Variants in RUBCNL observed in about 807,000 individuals in gnomAD.
RUBCNL encodes protein associated with UVRAG as autophagy enhancer.
Under a neutral mutation model 69.5 loss-of-function variants are expected in RUBCNL, and 62 were observed. That is an observed-to-expected ratio of 0.89 (90% CI 0.73 to 1.10). The LOEUF (loss-of-function observed/expected upper bound fraction) is 1.10, where lower values mean the gene tolerates loss of function less well. RUBCNL is among the 50% of genes least tolerant of loss of function. The pLI is 0.00. For missense variants in RUBCNL, 768 were observed against 798.1 expected (o/e 0.96, Z 0.45); for synonymous variants, 291 against 303.6 (o/e 0.96, Z 0.43).
Position 46,338,000 on chromosome 13 carries a change from G to T in RUBCNL, c.*5385C>A, listed in dbSNP as rs1308302208. Among the ~76,000 whole-genome samples, 1 of 152,130 alleles carries T rather than the reference G, an allele frequency of 6.6e-6. No homozygotes were observed. The highest frequency in any genetic ancestry group is 2.4e-5 in the African/African-American group (1 of 41,424). On this transcript the variant is annotated 3_prime_UTR_variant, in exon 15 of 15. Coordinates refer to ENST00000429979, the MANE Select transcript of RUBCNL (RefSeq NM_025113.5). ...GATCAAAGGCTGCCAAAAGTTCAGAGAGCTGTCCCCAGTAGAATAATGAGG... is the reference window on the plus strand; with the variant it reads ...GATCAAAGGCTGCCAAAAGTTCAGATAGCTGTCCCCAGTAGAATAATGAGG...
intron 7 of RUBCNL, 31 bp from the exon 8 acceptor site, chr13:46,361,604 A>T (rs1009599614): frequency 6.4e-7 from 1 of 1,562,536 alleles, no homozygotes; most frequent in Non-Finnish European, 8.7e-7. Flanking sequence ...ATACTGGAAA[A>T]CTATATTCAT....
intron 3 of RUBCNL, among the ~76,000 whole-genome samples, chr13:46,369,117 A>G (rs772004285): frequency 1.8e-4 from 28 of 152,314 alleles, no homozygotes; most frequent in Non-Finnish European, 3.1e-4. Flanking sequence ...GGAAATCCCA[A>G]CAGGGGCTGG....
Position 46,339,750 on chromosome 13 carries a change from T to A in RUBCNL, c.*3635A>T, listed in dbSNP as rs1256648801. Among the ~76,000 whole-genome samples the A allele has an allele frequency of 6.6e-6, 1 of 151,952 alleles. No homozygotes were observed. The highest frequency in any genetic ancestry group is 2.4e-5 in the African/African-American group (1 of 41,346). ...GGCGTGCGCCTGCAATCCCAGCTAC[T>A]CGGGAGGGTGAGACAGGAAAATCAC... is the stretch of plus-strand genomic sequence containing the variant. On this transcript the variant is annotated 3_prime_UTR_variant, in exon 15 of 15. Transcript: ENST00000429979.
At chr13:46,367,170 G>A (rs774260169) in intron 5 of RUBCNL, among the ~76,000 whole-genome samples, 13 of 152,152 alleles carry the variant, frequency 8.5e-5, no homozygotes, top group Admixed American at 5.2e-4. Context: ...AGAGTGAGCC[G>A]AGGCACTCCT....
intron 1 of RUBCNL, among the ~76,000 whole-genome samples, chr13:46,385,074 C>T (rs1324388514): frequency 6.6e-6 from 1 of 152,166 alleles, no homozygotes; most frequent in Non-Finnish European, 1.5e-5. Flanking sequence ...GACTTATTAG[C>T]TGTGTGATTT....
At chr13:46,386,210 T>G (rs928667159) in intron 1 of RUBCNL, among the ~76,000 whole-genome samples, 3 of 152,090 alleles carry the variant, frequency 2.0e-5, no homozygotes, top group Non-Finnish European at 4.4e-5. Context: ...GGCTGGAGTA[T>G]TCTCCCCCTG....
chr13:46,389,102 T>G (rs562513074), upstream of RUBCNL, among the ~76,000 whole-genome samples: 1 of 152,232 alleles, frequency 6.6e-6, no homozygotes, highest in Non-Finnish European at 1.5e-5. This position sits in a 1 kb window ranked among gnomAD's most constrained non-coding sequence, Gnocchi z 4.2. Flanking sequence ...GTGCTAACAT[T>G]TTTTGAGTAT....
chr13:46,380,447 AAAAC>A (rs1300068017), intron 1 of RUBCNL, among the ~76,000 whole-genome samples: 5 of 152,262 alleles, frequency 3.3e-5, no homozygotes, highest in Non-Finnish European at 5.9e-5. Context: ...AAGTAGGACA[AAAAC>A]AAAAGTCTGA....
intron 1 of RUBCNL, among the ~76,000 whole-genome samples, chr13:46,382,678 C>T (rs940179598): frequency 3.9e-5 from 6 of 152,258 alleles, no homozygotes; most frequent in South Asian, 2.1e-4. Context: ...GGATTACAGG[C>T]GCCCACCACC....
At position 46,335,278 on chromosome 13, in the gene RUBCNL, T is replaced by G. The variant is rs1346585611; in HGVS notation, c.*8107A>C. On this transcript the variant is annotated 3_prime_UTR_variant, in exon 15 of 15. Coordinates refer to ENST00000429979, the MANE Select transcript of RUBCNL (RefSeq NM_025113.5). ...TGTTGTTGTTTTTTTTTTTTTTTTT[T>G]TTTTTTTAAGAGACAGGGTCTCGCT... is the stretch of plus-strand genomic sequence containing the variant. Among the ~76,000 whole-genome samples the G allele has an allele frequency of 2.7e-5, 4 of 146,966 alleles. No individual in the cohort carries two copies. Among genetic ancestry groups the G allele is most frequent in the African/African-American group, 7.6e-5 (3 of 39,596 alleles).
At position 46,340,649 on chromosome 13, in the gene RUBCNL, ACCAAT is replaced by A. The variant is rs2048135216; in HGVS notation, c.*2731_*2735del. Among the ~76,000 whole-genome samples, 3 of 152,322 alleles carry A rather than the reference ACCAAT, an allele frequency of 2.0e-5. No homozygotes were observed. Among genetic ancestry groups the A allele is most frequent in the Admixed American group, 6.5e-5 (1 of 15,300 alleles). On this transcript the variant is annotated 3_prime_UTR_variant, in exon 15 of 15. Transcript: ENST00000429979. ...GTTCTGCGGGCTGTACAAGCATCGC[ACCAAT>A]ATCTGCTTCTGGTTAGGACTTGTGG...
upstream of RUBCNL, chr13:46,387,745 T>C (rs2049282737): frequency 9.1e-6 from 9 of 985,610 alleles, no homozygotes; most frequent in Non-Finnish European, 1.1e-5. Context: ...CCGACTCATG[T>C]AGCACTTCAC....
Position 46,372,333 on chromosome 13 carries a change from C to T in RUBCNL, c.143G>A (p.Arg48Lys). ...PPCQLDIRLM[R>K]HKAVWINPQD... ...GGGGTTAATCCAGACAGCTTTGTGC[C>T]TCATGAGCCTGATGTCTAATTGGCA... Residue 48 changes from arginine (R) to lysine (K), a missense_variant, in exon 3 of 15, where the codon AGG becomes AAG. Physicochemically the swap from Arg to Lys is conservative, Grantham distance 26. Coordinates refer to ENST00000429979, the MANE Select transcript of RUBCNL (RefSeq NM_025113.5). The T allele has an allele frequency of 1.9e-6, 3 of 1,613,982 alleles. No homozygotes were observed. Among genetic ancestry groups the T allele is most frequent in the Non-Finnish European group, 2.5e-6 (3 of 1,179,900 alleles).
chr13:46,348,497 C>T (rs562738509), intron 12 of RUBCNL, among the ~76,000 whole-genome samples: 109 of 152,204 alleles, frequency 7.2e-4, no homozygotes, highest in African/African-American at 2.5e-3. Flanking sequence ...AACTGTAGCT[C>T]CCATAATTCC....
In RUBCNL at chr13:46,364,898, C is replaced by T. The variant is rs377727435; in HGVS notation, c.827-1685G>A. Among the ~76,000 whole-genome samples, 341 of 152,158 alleles carry T rather than the reference C, an allele frequency of 2.2e-3. 4 individuals are homozygous for T. Among genetic ancestry groups the T allele is most frequent in the South Asian group, 0.012 (56 of 4,810 alleles). On this transcript the variant is annotated intron_variant, in intron 5 of 14. Coordinates refer to ENST00000429979, the MANE Select transcript of RUBCNL (RefSeq NM_025113.5). ...TATTCATGTTTTCTTAAAGTTTCAG[C>T]TACCATCAATTTACACCCAACCACT...
chr13:46,349,488 A>G (rs2048322893), intron 11 of RUBCNL, 141 bp from the exon 12 acceptor site: 2 of 758,208 alleles, frequency 2.6e-6, no homozygotes, highest in Non-Finnish European at 4.5e-6. Flanking sequence ...CCGCCTATAC[A>G]GCAAGCCTTC....
At chr13:46,387,098 C>A in intron 1 of RUBCNL, 36 bp downstream of exon 1, 1 of 985,838 alleles carries the variant, frequency 1.0e-6, no homozygotes, top group South Asian at 4.7e-5. Context: ...CCACCCCGCG[C>A]CGCTCCCATC....
At chr13:46,365,720 A>C (rs1035423340) in intron 5 of RUBCNL, among the ~76,000 whole-genome samples, 1 of 152,176 alleles carries the variant, frequency 6.6e-6, no homozygotes, top group African/African-American at 2.4e-5. Context: ...CATCCAGCCA[A>C]GGGGAATGGC....
Position 46,337,637 on chromosome 13 carries a change from A to T in RUBCNL, c.*5748T>A, listed in dbSNP as rs74072630. On this transcript the variant is annotated 3_prime_UTR_variant, in exon 15 of 15. Coordinates refer to ENST00000429979, the MANE Select transcript of RUBCNL (RefSeq NM_025113.5). ...CACCTAGCGTAAGGTATTTTATTAT[A>T]GCAGCCTAAACAGACTACGACAGTG... Among the ~76,000 whole-genome samples the T allele has an allele frequency of 9.3e-4, 142 of 152,284 alleles. No individual in the cohort carries two copies. The highest frequency in any genetic ancestry group is 3.3e-3 in the African/African-American group (137 of 41,554).
Sources: gnomAD v4.1 joint callset for allele counts (sites outside exome capture counted in the v4.1 genomes callset) on GRCh38, gnomAD v4.1.1 for gene constraint, Gnocchi (gnomAD v3.1) non-coding constraint, MANE v1.5 for transcripts, NCBI Gene and HGNC (gene_info 2026-07-23, HGNC 2026-07-21) for gene names.